SMARCC1: variants seen among roughly 807,000 people sequenced by gnomAD.
SMARCC1 encodes the protein SWI/SNF related BAF chromatin remodeling complex subunit C1, also known as SWI/SNF complex subunit SMARCC1.
Under a neutral mutation model 147.4 loss-of-function variants are expected in SMARCC1, and 43 were observed. That is an observed-to-expected ratio of 0.29 (90% CI 0.23 to 0.38). The LOEUF (loss-of-function observed/expected upper bound fraction) is 0.38, where lower values mean the gene tolerates loss of function less well. Ranked by LOEUF, SMARCC1 falls within the 10% of genes least tolerant of loss-of-function variation. The pLI, the probability that SMARCC1 is intolerant of heterozygous loss-of-function variation, is 1.00. For synonymous variants in SMARCC1, 495 were observed against 484.4 expected (o/e 1.02, Z -0.29); for missense variants, 1,119 against 1,381.1 (o/e 0.81, Z 3.01).
chr3:47,599,712 T>C (rs1226355753), intron 26 of SMARCC1, among the ~76,000 whole-genome samples: 9 of 152,228 alleles, frequency 5.9e-5, no homozygotes, highest in Admixed American at 5.9e-4. Flanking sequence ...ATGCAAACCC[T>C]GGTGTCACCA....
chr3:47,745,951 G>A lies in SMARCC1; in HGVS notation c.358C>T (p.His120Tyr), dbSNP rs1559661164. 7 of 1,589,242 alleles carry A rather than the reference G, an allele frequency of 4.4e-6. No individual in the cohort carries two copies. In the South Asian group the frequency reaches 8.2e-5, roughly 19 times the overall value. The change falls in exon 3 of 28, where the codon CAC (histidine) becomes TAC (tyrosine). Residue 120 changes from histidine to tyrosine, a missense_variant. Around this residue, in one of 6 missense-constraint regions of SMARCC1, gnomAD observed 542 missense variants for 611.8 expected, o/e 0.89. Coordinates refer to ENST00000254480, the MANE Select transcript of SMARCC1 (RefSeq NM_003074.4). The part of the protein sequence containing the change: ...MDFKAGGALC[H>Y]ILGAAYKYKN... ...TACTTGTAAGCAGCCCCAAGAATGT[G>A]ACATAAGGCGCCTCCAGCTTTGAAA... is the stretch of plus-strand genomic sequence containing the variant.
At chr3:47,765,722 C>A (rs995234211) in intron 2 of SMARCC1, among the ~76,000 whole-genome samples, 9 of 151,946 alleles carry the variant, frequency 5.9e-5, no homozygotes, top group Non-Finnish European at 1.5e-5. Flanking sequence ...ATTTTTCCTC[C>A]AGTTGCAAAT....
chr3:47,636,014 C>T lies in SMARCC1; in HGVS notation c.2491+8G>A, dbSNP rs1189661784. 5 of 1,394,554 alleles carry T rather than the reference C, an allele frequency of 3.6e-6. No individual in the cohort carries two copies. The highest frequency in any genetic ancestry group is 1.4e-5 in the African/African-American group (1 of 69,918). The allele number at this position is 1,394,554 out of a possible 1,614,324, so 86.4% of individuals were successfully genotyped here. ...CATAATAATATCTAAGGAGTTTCCT[C>T]AAATTACCTGATTTGGTATCCTCAC... On this transcript the variant is annotated splice_region_variant and intron_variant, in intron 23 of 27. Transcript: ENST00000254480.
intron 1 of SMARCC1, among the ~76,000 whole-genome samples, chr3:47,778,340 G>C (rs1023111105): frequency 6.6e-6 from 1 of 150,786 alleles, no homozygotes; most frequent in Non-Finnish European, 1.5e-5. Flanking sequence ...ACAAGGTCTC[G>C]CTCTGTTGCC....
intron 26 of SMARCC1, chr3:47,604,170 T>G: frequency 2.2e-6 from 1 of 456,734 alleles, no homozygotes; most frequent in Non-Finnish European, 4.4e-6. Flanking sequence ...GCCTAGCAGA[T>G]TCATAATACC....
At chr3:47,713,719 T>C (rs762236189) in intron 8 of SMARCC1, among the ~76,000 whole-genome samples, 5 of 152,190 alleles carry the variant, frequency 3.3e-5, no homozygotes, top group Admixed American at 6.5e-5. Context: ...CAAAAGTTGA[T>C]TAAAAGTCAA....
At chr3:47,649,520 C>G (rs1346776652) in intron 21 of SMARCC1, among the ~76,000 whole-genome samples, 1 of 152,174 alleles carries the variant, frequency 6.6e-6, no homozygotes, top group African/African-American at 2.4e-5. Flanking sequence ...TCAAGATGTA[C>G]TCATGGGAAA....
intron 2 of SMARCC1, among the ~76,000 whole-genome samples, chr3:47,750,959 G>A (rs1286617018): frequency 6.6e-6 from 1 of 151,092 alleles, no homozygotes; most frequent in Admixed American, 6.6e-5. Context: ...GTGCAGTGGC[G>A]CAATCTCAGC....
At chr3:47,662,614 C>T in intron 19 of SMARCC1, 22 bp from the exon 20 acceptor site, 4 of 1,604,688 alleles carry the variant, frequency 2.5e-6, no homozygotes, top group Non-Finnish European at 3.4e-6. Context: ...AAAACAGATG[C>T]TTTCATGTCA....
At chr3:47,602,892 A>G (rs965149428) in intron 26 of SMARCC1, among the ~76,000 whole-genome samples, 2 of 152,062 alleles carry the variant, frequency 1.3e-5, no homozygotes, top group Non-Finnish European at 2.9e-5. Flanking sequence ...GCTCAATCCT[A>G]TAGTCCCAGC....
rs2032163264 is a variant in SMARCC1, at chr3:47,590,718, G to C, written c.3163C>G (p.Pro1055Ala). The change falls in exon 27 of 28, where the codon CCA becomes GCA. Residue 1055 changes from proline (P) to alanine (A), a missense_variant. Pro to Ala is a conservative substitution (Grantham distance 27). Coordinates refer to ENST00000254480, the MANE Select transcript of SMARCC1 (RefSeq NM_003074.4). ...GGTCCTAAGATGTTTCCTGGCATTGGTGGCATGCCAGGAGGGGTAGGGCCA... is the reference window on the plus strand; with the variant it reads ...GGTCCTAAGATGTTTCCTGGCATTGCTGGCATGCCAGGAGGGGTAGGGCCA... ...GSGPTPPGMP[P>A]MPGNILGPRV... 1 of 1,579,820 alleles carries C rather than the reference G, an allele frequency of 6.3e-7. No homozygotes were observed. The highest frequency in any genetic ancestry group is 8.6e-7 in the Non-Finnish European group (1 of 1,167,720).
intron 26 of SMARCC1, among the ~76,000 whole-genome samples, chr3:47,605,577 G>T (rs1181220167): frequency 6.6e-6 from 1 of 152,170 alleles, no homozygotes; most frequent in Non-Finnish European, 1.5e-5. Context: ...TTCAAGACCA[G>T]CCTGGGCAAT....
chr3:47,669,697 G>A (rs1407549545), intron 19 of SMARCC1, among the ~76,000 whole-genome samples: 1 of 152,078 alleles, frequency 6.6e-6, no homozygotes, highest in Admixed American at 6.6e-5. Flanking sequence ...GATAAGGTTG[G>A]GGGGAGAACC....
At chr3:47,593,855 C>T (rs1489125766) in intron 26 of SMARCC1, among the ~76,000 whole-genome samples, 2 of 152,092 alleles carry the variant, frequency 1.3e-5, no homozygotes, top group African/African-American at 4.8e-5. Flanking sequence ...AAGAGAACTA[C>T]AATGAGGTAT....
At chr3:47,633,373 A>C (rs543091416) in intron 24 of SMARCC1, among the ~76,000 whole-genome samples, 4 of 152,118 alleles carry the variant, frequency 2.6e-5, no homozygotes, top group Non-Finnish European at 4.4e-5. Flanking sequence ...AGGAGTCAAA[A>C]ATGAGCCGAG....
At chr3:47,776,537 G>C (rs1442001043) in intron 1 of SMARCC1, among the ~76,000 whole-genome samples, 3 of 151,966 alleles carry the variant, frequency 2.0e-5, no homozygotes, top group African/African-American at 4.8e-5. Context: ...CCAGGAGACA[G>C]AGGTTGCAGC....
At chr3:47,604,121 C>T (rs1486671556) in intron 26 of SMARCC1, 2 of 456,584 alleles carry the variant, frequency 4.4e-6, no homozygotes, top group African/African-American at 2.0e-5. Flanking sequence ...CAGCTTATAC[C>T]AGCTACATTC....
At chr3:47,778,207 A>C (rs1212991551) in intron 1 of SMARCC1, among the ~76,000 whole-genome samples, 47 of 146,738 alleles carry the variant, frequency 3.2e-4, no homozygotes, top group Admixed American at 1.0e-3. Context: ...AAAAAACAAA[A>C]AACAAAAAAC....
intron 18 of SMARCC1, 96 bp downstream of exon 18, chr3:47,675,379 A>T: frequency 1.7e-6 from 1 of 588,744 alleles, no homozygotes. Flanking sequence ...ATTGTTTTTA[A>T]AAATACCATC....
Sources: gnomAD v4.1 joint callset for allele counts (sites outside exome capture counted in the v4.1 genomes callset) on GRCh38, gnomAD v4.1.1 for gene constraint, gnomAD v4.1.1 regional missense constraint, MANE v1.5 for transcripts, NCBI Gene and HGNC (gene_info 2026-07-23, HGNC 2026-07-21) for gene names.